The following MUC6 variants were observed in gnomAD, a reference collection of about 807,000 sequenced individuals.
MUC6 encodes the protein mucin 6, oligomeric mucus/gel-forming (gene/pseudogene), also known as mucin-6.
MUC6 carries 188 observed loss-of-function variants against 201.5 expected under a neutral mutation model. The ratio of observed to expected loss-of-function variants is 0.93; its 90% CI spans 0.83 to 1.05. The LOEUF (loss-of-function observed/expected upper bound fraction) is 1.05, where lower values mean the gene tolerates loss of function less well. Ranked by LOEUF, MUC6 falls within the 50% of genes least tolerant of loss-of-function variation. MUC6 has a pLI of 0.00. For synonymous variants in MUC6, 1,228 were observed against 1,389.4 expected (o/e 0.88, Z 2.58); for missense variants, 2,706 against 3,256.9 (o/e 0.83, Z 4.12).
In MUC6 at chr11:1,030,240, AGGAGCTGGAGCAGCTG is replaced by A. The variant is rs1295622030; in HGVS notation, c.972_987del (p.Ser325AlafsTer13). On this transcript the variant is annotated frameshift_variant, in exon 8 of 33. Transcript: ENST00000421673. LOFTEE classifies it high-confidence loss of function. ...TCCGGGCAGAAGCACCCGAAGGTGC[AGGAGCTGGAGCAGCTG>A]TGCTGCGGGTTGGAGCAGGTCTTCA... 6.4e-7 allele frequency: 1 copy of A among 1,551,348 alleles called. No homozygotes were observed. Among genetic ancestry groups the A allele is most frequent in the Non-Finnish European group, 8.7e-7 (1 of 1,147,912 alleles).
In MUC6 at chr11:1,026,151, C is replaced by T; in HGVS notation, c.2547-10G>A. The T allele has an allele frequency of 6.3e-6, 10 of 1,589,540 alleles. No homozygotes were observed. Among genetic ancestry groups the T allele is most frequent in the Non-Finnish European group, 8.6e-6 (10 of 1,169,242 alleles). ...CCCCCTTGAGCAGGAGCTGTGGAGA[C>T]AGCAGGTGTGGGTGGTGGGCCTGCG... On this transcript the variant is annotated splice_polypyrimidine_tract_variant and intron_variant, in intron 20 of 32. Coordinates refer to ENST00000421673, the MANE Select transcript of MUC6 (RefSeq NM_005961.3).
chr11:1,031,287 C>T (rs1479714734), intron 4 of MUC6, 28 bp from the exon 5 acceptor site: 11 of 1,546,746 alleles, frequency 7.1e-6, no homozygotes, highest in South Asian at 1.2e-5. Context: ...GCTGGGGGCC[C>T]GGGGGCCAGG....
chr11:1,031,115 C>T, intron 5 of MUC6, 54 bp downstream of exon 5: 1 of 1,395,092 alleles, frequency 7.2e-7, no homozygotes, highest in Non-Finnish European at 9.6e-7. Context: ...CCCCCCTGCC[C>T]TGCCCCCCAC....
In MUC6 at chr11:1,023,857, G is replaced by C; in HGVS notation, c.3382+90C>G. The C allele has an allele frequency of 2.0e-6, 3 of 1,509,194 alleles. No individual in the cohort carries two copies. The South Asian group carries it at 3.8e-5, about 19-fold the overall frequency. 93.5% of individuals were successfully genotyped at this position (1,509,194 alleles called of 1,614,324 possible). A position where few individuals can be genotyped will look rare whatever the true frequency, so the allele number is the denominator to read the frequency against. On this transcript the variant is annotated intron_variant, in intron 25 of 32. Transcript: ENST00000421673. ...CAGCCCGGCGCCTGTCCAGGGAGAG[G>C]GGCCTGTGGGCAAGGGCAGCCCTGC...
At chr11:1,013,663 A>G (rs1341425407) in intron 32 of MUC6, 30 bp from the exon 33 acceptor site, 2 of 1,545,336 alleles carry the variant, frequency 1.3e-6, no homozygotes, top group African/African-American at 1.4e-5. Flanking sequence ...GAGCAGGGTC[A>G]TGACTGCTGC....
At chr11:1,026,503 C>G in intron 19 of MUC6, 25 bp from the exon 20 acceptor site, 1 of 1,550,324 alleles carries the variant, frequency 6.5e-7, no homozygotes, top group South Asian at 1.2e-5. Context: ...GTCAGCAGCT[C>G]CTGGGAGGGT....
intron 24 of MUC6, among the ~76,000 whole-genome samples, chr11:1,024,398 G>A (rs949136616): frequency 2.6e-5 from 4 of 152,238 alleles, no homozygotes; most frequent in Admixed American, 2.0e-4. Context: ...CTCCCCCCAC[G>A]TCACGCTCAC....
intron 16 of MUC6, 38 bp from the exon 17 acceptor site, chr11:1,027,555 G>T: frequency 6.2e-7 from 1 of 1,606,586 alleles, no homozygotes; most frequent in Non-Finnish European, 8.5e-7. Context: ...CCGGGAGGGG[G>T]CGGCCGGGAG....
intron 1 of MUC6, 51 bp downstream of exon 1, chr11:1,036,553 A>G: frequency 1.9e-6 from 3 of 1,541,768 alleles, no homozygotes; most frequent in Non-Finnish European, 1.8e-6. Context: ...CCCCGCACAC[A>G]GGGCCCCTCT....
At chr11:1,029,472 G>A (rs772279593) in intron 9 of MUC6, 23 bp downstream of exon 9, 3 of 1,610,710 alleles carry the variant, frequency 1.9e-6, no homozygotes, top group Non-Finnish European at 2.5e-6. Context: ...GCCGGCCAGA[G>A]CCCCCTCCGG....
At chr11:1,025,392 C>T in intron 22 of MUC6, 25 bp from the exon 23 acceptor site, 7 of 1,596,314 alleles carry the variant, frequency 4.4e-6, no homozygotes, top group Non-Finnish European at 6.0e-6. Context: ...TGGCATAGGA[C>T]TGCCTGTCTG....
At chr11:1,024,395 C>G (rs982826177) in intron 24 of MUC6, among the ~76,000 whole-genome samples, 1 of 152,250 alleles carries the variant, frequency 6.6e-6, no homozygotes, top group East Asian at 1.9e-4. Context: ...CTGCTCCCCC[C>G]ACGTCACGCT....
At position 1,013,949 on chromosome 11, in the gene MUC6, CA is replaced by C; in HGVS notation, c.7091del (p.Met2364ArgfsTer4). ...CACAGCGGGTTACCGTCACGTTCGCCATGCACCCCTTGAACGTGATCTCCTC... is the reference window on the plus strand; with the variant it reads ...CACAGCGGGTTACCGTCACGTTCGCCTGCACCCCTTGAACGTGATCTCCTC... ...QQEEITFKGCMANVTVTRCEG... is the reference protein window; with the variant it reads ...QQEEITFKGCXANVTVTRCEG... On this transcript the variant is annotated frameshift_variant, in exon 32 of 33. Transcript: ENST00000421673. LOFTEE classifies it high-confidence loss of function. 1 of 1,609,528 alleles carries C rather than the reference CA, an allele frequency of 6.2e-7. No homozygotes were observed. The highest frequency in any genetic ancestry group is 2.2e-5 in the East Asian group (1 of 44,766).
chr11:1,021,226 C>A lies in MUC6; in HGVS notation c.3578G>T (p.Cys1193Phe). The change falls in exon 27 of 33, where the codon TGC (cysteine) becomes TTC (phenylalanine). Residue 1193 changes from cysteine (C) to phenylalanine (F), a missense_variant. Transcript: ENST00000421673. ...DEYFDHEEGV[C>F]VPCMPPTTPQ... ...CCGACTGGACTTACTGCAGGGCACG[C>A]ACACCCCCTCCTCGTGGTCGAAGTA... 2 of 1,590,874 alleles carry A rather than the reference C, an allele frequency of 1.3e-6. No homozygotes were observed. The highest frequency in any genetic ancestry group is 2.3e-5 in the South Asian group (2 of 87,630).
rs372309498 is a variant in MUC6 at position 1,030,319 on chromosome 11, C to A, written c.909G>T (p.Pro303=). The A allele has an allele frequency of 6.5e-7, 1 of 1,548,544 alleles. No individual in the cohort carries two copies. Among genetic ancestry groups the A allele is most frequent in the Non-Finnish European group, 8.7e-7 (1 of 1,146,772 alleles). ...SPGLCSVGQC[P]ANQVYQECGS... ...CGCACTCCTGGTACACCTGGTTGGC[C>A]GGGCACTGACCCACGGCTGTGGGCA... The change falls in exon 8 of 33, where the codon CCG becomes CCT. Residue 303 remains proline, a synonymous_variant. Transcript: ENST00000421673.
intron 16 of MUC6, 39 bp from the exon 17 acceptor site, chr11:1,027,556 C>G (rs763002051): frequency 6.2e-7 from 1 of 1,605,728 alleles, no homozygotes; most frequent in South Asian, 1.1e-5. Flanking sequence ...CGGGAGGGGG[C>G]GGCCGGGAGG....
chr11:1,020,583 T>C (rs1856783875), intron 28 of MUC6, 101 bp downstream of exon 28: 1 of 1,518,390 alleles, frequency 6.6e-7, no homozygotes, highest in Non-Finnish European at 9.1e-7. Flanking sequence ...AGGTACTGCC[T>C]GCCCCCTCCC....
chr11:1,030,219 G>A lies in MUC6; in HGVS notation c.1009C>T (p.Pro337Ser), dbSNP rs1458611796. 7.7e-6 allele frequency: 12 copies of A among 1,550,574 alleles called. No individual in the cohort carries two copies. Among genetic ancestry groups the A allele is most frequent in the Admixed American group, 3.9e-5 (2 of 50,986 alleles). ...TGCCTGCGACTGCCCTCACCTTCCG[G>A]GCAGAAGCACCCGAAGGTGCAGGAG... ...SSSCTFGCFC[P>S]EGTVLNDLSN... Residue 337 changes from proline to serine, a missense_variant, in exon 8 of 33, where the codon CCG (proline) becomes TCG (serine). Transcript: ENST00000421673.
At chr11:1,030,458 C>T in intron 7 of MUC6, 115 bp downstream of exon 7, 1 of 1,428,128 alleles carries the variant, frequency 7.0e-7, no homozygotes, top group Non-Finnish European at 9.3e-7. Flanking sequence ...CGAGGATCTC[C>T]TGTCTCTCAG....
Sources: gnomAD v4.1 joint callset for allele counts (sites outside exome capture counted in the v4.1 genomes callset) on GRCh38, gnomAD v4.1.1 for gene constraint, MANE v1.5 for transcripts, NCBI Gene and HGNC (gene_info 2026-07-23, HGNC 2026-07-21) for gene names.